DNAH1: variants seen among roughly 807,000 people sequenced by gnomAD.
DNAH1 encodes dynein axonemal heavy chain 1.
A neutral mutation model predicts 484.3 loss-of-function variants in DNAH1; 327 were observed. The ratio of observed to expected loss-of-function variants is 0.68; its 90% CI spans 0.62 to 0.74. The LOEUF (loss-of-function observed/expected upper bound fraction) is 0.74, where lower values mean the gene tolerates loss of function less well. Among genes scored for constraint, DNAH1 ranks in the 30% least tolerant of loss-of-function variants. The pLI is 0.00. For synonymous variants in DNAH1, 2,192 were observed against 2,191.9 expected (o/e 1.00, Z 0.00); for missense variants, 5,052 against 5,546.8 (o/e 0.91, Z 2.83).
rs1702209047 is a variant in DNAH1 at position 52,347,860 on chromosome 3, G to A, written c.1992G>A (p.Val664=). The A allele has an allele frequency of 6.2e-7, 1 of 1,603,054 alleles. No homozygotes were observed. The highest frequency in any genetic ancestry group is 1.3e-5 in the African/African-American group (1 of 74,730). ...RKNPLFIMDL[V]LDSSGVHYST... ...ATCCCCTGTTCATCATGGACCTGGT[G>A]CTGGACAGCTCTGGGGTGCACTATA... Residue 664 remains valine (V), a synonymous_variant, in exon 12 of 78, where the codon GTG becomes GTA. Coordinates refer to ENST00000420323, the MANE Select transcript of DNAH1 (RefSeq NM_015512.5).
chr3:52,386,222 T>C lies in DNAH1; in HGVS notation c.8688T>C (p.Asn2896=), dbSNP rs771673086. The C allele has an allele frequency of 1.9e-6, 3 of 1,613,774 alleles. No homozygotes were observed. The highest frequency in any genetic ancestry group is 1.7e-5 in the Admixed American group (1 of 59,990). ...TGCAGACAGAGGAGATCAAAGCCAATGAGAAGGCCAAGAAGGCACAAGCTA... is the reference window on the plus strand; with the variant it reads ...TGCAGACAGAGGAGATCAAAGCCAACGAGAAGGCCAAGAAGGCACAAGCTA... ...NSVQTEEIKA[N]EKAKKAQAIA... Residue 2896 remains asparagine, a synonymous_variant, in exon 55 of 78, where the codon AAT becomes AAC. Coordinates refer to ENST00000420323, the MANE Select transcript of DNAH1 (RefSeq NM_015512.5).
Position 52,381,734 on chromosome 3 carries a change from T to G in DNAH1, c.7703T>G (p.Ile2568Ser). The change falls in exon 49 of 78, where the codon ATC becomes AGC. Residue 2568 changes from isoleucine (I) to serine (S), a missense_variant. By Grantham distance (142) the Ile-to-Ser change is moderately radical. Transcript: ENST00000420323. The surrounding 1 kb of genome is among the most constrained non-coding windows in gnomAD (Gnocchi z 4.1). ...LVLFMDAMSH[I>S]CRISRTLRQA... ...CTCTTCATGGACGCCATGAGCCACA[T>G]CTGTCGCATCAGCCGCACCCTACGC... 6.2e-7 allele frequency: 1 copy of G among 1,606,310 alleles called. No individual in the cohort carries two copies. The highest frequency in any genetic ancestry group is 8.5e-7 in the Non-Finnish European group (1 of 1,177,180).
Position 52,398,965 on chromosome 3 carries a change from A to G in DNAH1, c.12205A>G (p.Asn4069Asp). The change falls in exon 76 of 78, where the codon AAT becomes GAT. Residue 4069 changes from asparagine (N) to aspartate (D), a missense_variant. Physicochemically the swap from Asn to Asp is conservative, Grantham distance 23 (BLOSUM62 1). Coordinates refer to ENST00000420323, the MANE Select transcript of DNAH1 (RefSeq NM_015512.5). Reference sequence around the variant, plus strand: ...GCTGATGGCTGCCAGCCTGTACAACAATACTGTGCCTGAGCTCTGGAGTGC... The same window carrying G: ...GCTGATGGCTGCCAGCCTGTACAACGATACTGTGCCTGAGCTCTGGAGTGC... Reference protein sequence around the residue: ...LELMAASLYNNTVPELWSAKA... With the variant: ...LELMAASLYNDTVPELWSAKA... 1 of 1,613,912 alleles carries G rather than the reference A, an allele frequency of 6.2e-7. No individual in the cohort carries two copies.
chr3:52,331,040 C>T (rs1289874224), intron 6 of DNAH1, 108 bp from the exon 7 acceptor site: 2 of 1,355,620 alleles, frequency 1.5e-6, no homozygotes, highest in African/African-American at 1.5e-5. Flanking sequence ...GGAGAGACGC[C>T]AGACTGGTGA....
intron 77 of DNAH1, 136 bp from the exon 78 acceptor site, chr3:52,400,189 C>T (rs1704846368): frequency 5.0e-6 from 6 of 1,209,100 alleles, no homozygotes; most frequent in Non-Finnish European, 7.1e-6. Flanking sequence ...CAGACCCCCT[C>T]ATCAGGTAGG....
Position 52,353,745 on chromosome 3 carries a change from C to T in DNAH1, c.3480+112C>T, listed in dbSNP as rs1702495974. 1 of 1,447,056 alleles carries T rather than the reference C, an allele frequency of 6.9e-7. No homozygotes were observed. Among genetic ancestry groups the T allele is most frequent in the African/African-American group, 1.4e-5 (1 of 71,050 alleles). The allele number at this position is 1,447,056 out of a possible 1,614,324, so 89.6% of individuals were successfully genotyped here. ...GAGGATGACAGTAATAAGCCCCATC[C>T]CTGGGGTCATGAGGCCCAGGGGTTG... On this transcript the variant is annotated intron_variant, in intron 20 of 77. Coordinates refer to ENST00000420323, the MANE Select transcript of DNAH1 (RefSeq NM_015512.5). The surrounding 1 kb of genome is among the most constrained non-coding windows in gnomAD (Gnocchi z 5.0).
chr3:52,381,668 A>C lies in DNAH1; in HGVS notation c.7637A>C (p.Glu2546Ala). Residue 2546 changes from glutamate to alanine, a missense_variant, in exon 49 of 78, where the codon GAG (glutamate) becomes GCG (alanine). Coordinates refer to ENST00000420323, the MANE Select transcript of DNAH1 (RefSeq NM_015512.5). The surrounding 1 kb of genome is among the most constrained non-coding windows in gnomAD (Gnocchi z 4.1). ...KMMQVIEEYIEDYNQINTAKL... is the reference protein window; with the variant it reads ...KMMQVIEEYIADYNQINTAKL... ...ATGCAGGTGATAGAGGAGTACATAG[A>C]GGACTACAACCAGATCAACACGGCC... The C allele has an allele frequency of 6.2e-7, 1 of 1,608,674 alleles. No homozygotes were observed. Among genetic ancestry groups the C allele is most frequent in the Non-Finnish European group, 8.5e-7 (1 of 1,177,814 alleles).
In DNAH1 at chr3:52,382,322, C is replaced by T. The variant is rs765470653; in HGVS notation, c.7808C>T (p.Ala2603Val). The change falls in exon 50 of 78, where the codon GCC (alanine) becomes GTC (valine). Residue 2603 changes from alanine (A) to valine (V), a missense_variant and splice_region_variant. Ala to Val is a moderately conservative substitution (Grantham distance 64). Coordinates refer to ENST00000420323, the MANE Select transcript of DNAH1 (RefSeq NM_015512.5). ...SSLTRLASHM[A>V]EYECFQIELS... ...TCAACCCAAACTTCTGCCTCCAGGG[C>T]CGAGTACGAGTGCTTCCAGATTGAA... The T allele has an allele frequency of 3.7e-6, 6 of 1,613,854 alleles. No individual in the cohort carries two copies. In the African/African-American group the frequency reaches 8.0e-5, roughly 22 times the overall value.
At position 52,349,308 on chromosome 3, in the gene DNAH1, C is replaced by T; in HGVS notation, c.2414C>T (p.Pro805Leu). ...CTGCCCAGCAGCATCATCATTGGGCCTTTCTACATCAACACCGACAATGTC... is the reference window on the plus strand; with the variant it reads ...CTGCCCAGCAGCATCATCATTGGGCTTTTCTACATCAACACCGACAATGTC... Reference protein sequence around the residue: ...SSLPSSIIIGPFYINTDNVKQ... With the variant: ...SSLPSSIIIGLFYINTDNVKQ... The change falls in exon 14 of 78, where the codon CCT becomes CTT. Residue 805 changes from proline (P) to leucine (L), a missense_variant. This residue lies in a region of DNAH1 where 1,263 missense variants were observed against 1,218.8 expected (regional missense o/e 1.04). Transcript: ENST00000420323. 1 of 1,614,024 alleles carries T rather than the reference C, an allele frequency of 6.2e-7. No homozygotes were observed. Among genetic ancestry groups the T allele is most frequent in the Non-Finnish European group, 8.5e-7 (1 of 1,179,894 alleles).
At chr3:52,392,391 G>C in intron 63 of DNAH1, 73 bp from the exon 64 acceptor site, 1 of 1,392,086 alleles carries the variant, frequency 7.2e-7, no homozygotes. Flanking sequence ...CAGGTGGATG[G>C]GTGACCAGGT....
chr3:52,328,139 T>A, intron 6 of DNAH1, 125 bp downstream of exon 6: 1 of 1,268,752 alleles, frequency 7.9e-7, no homozygotes, highest in Non-Finnish European at 1.1e-6. Context: ...ACCTCTCAGC[T>A]GGTAGACAGG....
chr3:52,396,930 G>A lies in DNAH1; in HGVS notation c.11673G>A (p.Arg3891=), dbSNP rs1704659982. ...GCCGTGTCACTGATGACTGGGACCG[G>A]CGCTGCATCATGAACATCTTGGAGG... ...YGGRVTDDWD[R]RCIMNILEDF... is the part of the protein sequence containing the mutation. The change falls in exon 73 of 78, where the codon CGG becomes CGA. Residue 3891 remains arginine (R), a synonymous_variant. Transcript: ENST00000420323. 1 of 1,613,500 alleles carries A rather than the reference G, an allele frequency of 6.2e-7. No individual in the cohort carries two copies. Among genetic ancestry groups the A allele is most frequent in the Non-Finnish European group, 8.5e-7 (1 of 1,179,856 alleles).
rs372506486 is a variant in DNAH1, at chr3:52,391,350, C to A, written c.9891+22C>A. 42 of 1,600,200 alleles carry A rather than the reference C, an allele frequency of 2.6e-5. No individual in the cohort carries two copies. In the African/African-American group the frequency reaches 5.0e-4, roughly 19 times the overall value. The stretch of plus-strand genomic sequence containing the variant: ...GCAGGTGGGTCTGCAGTGGTGATGG[C>A]AGGGTGGCAGTAGGCCTGGACAGGG... On this transcript the variant is annotated intron_variant, in intron 62 of 77. Coordinates refer to ENST00000420323, the MANE Select transcript of DNAH1 (RefSeq NM_015512.5).
intron 1 of DNAH1, among the ~76,000 whole-genome samples, chr3:52,318,781 C>T (rs1227783102): frequency 6.6e-6 from 1 of 152,234 alleles, no homozygotes; most frequent in African/African-American, 2.4e-5. Context: ...AACCCCAAGC[C>T]TGGGGGAGCA....
chr3:52,381,681 G>C lies in DNAH1; in HGVS notation c.7650G>C (p.Gln2550His). Residue 2550 changes from glutamine to histidine, a missense_variant, in exon 49 of 78, where the codon CAG (glutamine) becomes CAC (histidine). Gln to His is a conservative substitution (Grantham distance 24, BLOSUM62 0). Coordinates refer to ENST00000420323, the MANE Select transcript of DNAH1 (RefSeq NM_015512.5). This position sits in a 1 kb window ranked among gnomAD's most constrained non-coding sequence, Gnocchi z 4.1. Reference protein sequence around the residue: ...VIEEYIEDYNQINTAKLKLVL... With the variant: ...VIEEYIEDYNHINTAKLKLVL... ...AGGAGTACATAGAGGACTACAACCA[G>C]ATCAACACGGCCAAGCTGAAGCTGG... is the stretch of plus-strand genomic sequence containing the variant. 6.2e-7 allele frequency: 1 copy of C among 1,608,834 alleles called. No homozygotes were observed. The highest frequency in any genetic ancestry group is 8.5e-7 in the Non-Finnish European group (1 of 1,177,940).
At chr3:52,397,069 C>T (rs755617610) in intron 73 of DNAH1, 25 bp downstream of exon 73, 11 of 1,563,398 alleles carry the variant, frequency 7.0e-6, no homozygotes, top group Non-Finnish European at 9.5e-6. Flanking sequence ...AAGGGCTGCA[C>T]AGGAGGGGCC....
intron 44 of DNAH1, chr3:52,374,927 T>C: frequency 1.5e-6 from 1 of 683,790 alleles, no homozygotes; most frequent in Non-Finnish European, 2.4e-6. Context: ...CAGGGTTACT[T>C]GAAATGTTTT....
chr3:52,357,606 C>A lies in DNAH1; in HGVS notation c.3859-8C>A. The A allele has an allele frequency of 1.3e-6, 2 of 1,597,008 alleles. No individual in the cohort carries two copies. The highest frequency in any genetic ancestry group is 2.3e-5 in the South Asian group (2 of 88,350). ...TGCCCATTTCTGTGCATGGCCCGGG[C>A]CCTGCAGGTGATCAATGTGTGTTCC... On this transcript the variant is annotated splice_polypyrimidine_tract_variant and splice_region_variant and intron_variant, in intron 22 of 77. Coordinates refer to ENST00000420323, the MANE Select transcript of DNAH1 (RefSeq NM_015512.5).
Position 52,394,642 on chromosome 3 carries a change from G to A in DNAH1, c.10804G>A (p.Asp3602Asn), listed in dbSNP as rs377385985. The A allele has an allele frequency of 5.1e-5, 81 of 1,579,902 alleles. No homozygotes were observed. Among genetic ancestry groups the A allele is most frequent in the Non-Finnish European group, 6.5e-5 (75 of 1,160,290 alleles). ...CCTCTCAGAATTCCGGGTCATCTTC[G>A]ACAGCCTTGAGCCCCACCGGTTAGC... Reference protein sequence around the residue: ...KHLSEFRVIFDSLEPHREPLP... With the variant: ...KHLSEFRVIFNSLEPHREPLP... The change falls in exon 67 of 78, where the codon GAC becomes AAC. Residue 3602 changes from aspartate to asparagine, a missense_variant. Physicochemically the swap from Asp to Asn is conservative, Grantham distance 23. Around this residue, in one of 4 missense-constraint regions of DNAH1, gnomAD observed 853 missense variants for 899.0 expected, o/e 0.95. Transcript: ENST00000420323.
Sources: allele counts gnomAD v4.1 joint callset (sites outside exome capture counted in the v4.1 genomes callset), GRCh38; gene constraint gnomAD v4.1.1; regional missense constraint gnomAD v4.1.1; non-coding constraint Gnocchi (gnomAD v3.1); transcripts MANE v1.5; gene names NCBI Gene and HGNC (gene_info 2026-07-23, HGNC 2026-07-21).